LMBR1: variants seen among roughly 807,000 people sequenced by gnomAD.
LMBR1 encodes limb development membrane protein 1.
In LMBR1, 52 loss-of-function variants were observed where a neutral mutation model predicts 73.9. The ratio of observed to expected loss-of-function variants is 0.70; its 90% CI spans 0.56 to 0.89. The LOEUF is 0.89. LMBR1 is among the 40% of genes least tolerant of loss of function. The pLI is 0.00. For missense variants in LMBR1, 539 were observed against 579.8 expected, an observed-to-expected ratio of 0.93 and a Z score of 0.72; for synonymous variants, 215 against 209.4, an observed-to-expected ratio of 1.03 and a Z score of -0.23.
intron 4 of LMBR1, among the ~76,000 whole-genome samples, chr7:156,798,642 G>A (rs1297416250): frequency 6.6e-6 from 1 of 152,092 alleles, no homozygotes; most frequent in Middle Eastern, 3.2e-3. Flanking sequence ...TGGTTTCCAA[G>A]TAAGTTACTT....
rs1805418829 is a variant in LMBR1 at position 156,683,612 on chromosome 7, A to C, written c.*466T>G. 1 of 152,920 alleles carries C rather than the reference A, an allele frequency of 6.5e-6. No individual in the cohort carries two copies. Among genetic ancestry groups the C allele is most frequent in the Non-Finnish European group, 1.5e-5 (1 of 68,514 alleles). 9.5% of individuals were successfully genotyped at this position (152,920 alleles called of 1,614,324 possible). ...AAAATGATATCTACAAGCAGTTGCCATTGCATTTGAAAAATGCATTTTCTG... is the reference window on the plus strand; with the variant it reads ...AAAATGATATCTACAAGCAGTTGCCCTTGCATTTGAAAAATGCATTTTCTG... On this transcript the variant is annotated 3_prime_UTR_variant, in exon 17 of 17. Transcript: ENST00000353442.
In LMBR1 at chr7:156,669,094, T is replaced by A. The variant is rs1801862148; in HGVS notation, n.1060A>T. 6.6e-6 allele frequency: 1 copy of A among 152,218 alleles called. No homozygotes were observed. Among genetic ancestry groups the A allele is most frequent in the South Asian group, 2.1e-4 (1 of 4,832 alleles). 9.4% of individuals were successfully genotyped at this position (152,218 alleles called of 1,614,324 possible). A position where few individuals can be genotyped will look rare whatever the true frequency, so the allele number is the denominator to read the frequency against. On this transcript the variant is annotated non_coding_transcript_exon_variant, in exon 5 of 5. Coordinates refer to the LMBR1 transcript ENST00000430825. This position sits in a 1 kb window ranked among gnomAD's most constrained non-coding sequence, Gnocchi z 4.2. Reference sequence around the variant, plus strand: ...AACTGCATGAAAAGTCTATGCGAACTGCTTTCATGGACTGGCACTTGGAGT... The same window carrying A: ...AACTGCATGAAAAGTCTATGCGAACAGCTTTCATGGACTGGCACTTGGAGT...
chr7:156,879,997 T>G (rs1218625439), intron 1 of LMBR1, among the ~76,000 whole-genome samples: 1 of 152,220 alleles, frequency 6.6e-6, no homozygotes, highest in Admixed American at 6.5e-5. Flanking sequence ...ATACCACTAC[T>G]GGGTATCTAC....
intron 3 of LMBR1, among the ~76,000 whole-genome samples, chr7:156,827,246 GATTAA>G (rs1468466655): frequency 6.6e-6 from 1 of 151,978 alleles, no homozygotes; most frequent in African/African-American, 2.4e-5. Flanking sequence ...AATGGGTAAA[GATTAA>G]ATAAATTATA....
At chr7:156,772,855 A>AGGAGG (rs879602521) in intron 5 of LMBR1, among the ~76,000 whole-genome samples, 3 of 138,472 alleles carry the variant, frequency 2.2e-5, no homozygotes, top group Non-Finnish European at 3.1e-5. Flanking sequence ...AAGAGAGGAG[A>AGGAGG]GGAGGGGAGG....
chr7:156,740,700 G>T (rs951363239), intron 9 of LMBR1, among the ~76,000 whole-genome samples: 4 of 152,112 alleles, frequency 2.6e-5, no homozygotes, highest in Non-Finnish European at 4.4e-5. Context: ...ACAAACAAAA[G>T]CTGAGGCATT....
intron 3 of LMBR1, chr7:156,833,416 TC>T (rs1187395299): frequency 4.2e-6 from 1 of 237,714 alleles, no homozygotes; most frequent in East Asian, 1.4e-4. Flanking sequence ...AGAGGAGATG[TC>T]CGCTGCTCGG....
intron 5 of LMBR1, among the ~76,000 whole-genome samples, chr7:156,782,291 T>C (rs952360383): frequency 1.3e-5 from 2 of 152,226 alleles, no homozygotes; most frequent in African/African-American, 4.8e-5. Context: ...TGTACATGTA[T>C]GTGTTGGAGT....
chr7:156,700,569 T>C (rs916929954), intron 15 of LMBR1, among the ~76,000 whole-genome samples: 19 of 152,178 alleles, frequency 1.2e-4, no homozygotes, highest in Admixed American at 7.9e-4. Context: ...AAAAAAATCA[T>C]CTTTGCTCCA....
At position 156,680,394 on chromosome 7, in the gene LMBR1, GA is replaced by G. The variant is rs1804818283; in HGVS notation, c.*3683del. On this transcript the variant is annotated 3_prime_UTR_variant, in exon 17 of 17. Coordinates refer to ENST00000353442, the MANE Select transcript of LMBR1 (RefSeq NM_022458.4). The stretch of plus-strand genomic sequence containing the variant: ...TGAGAGACAGAGAGAGAGAGAGAGA[GA>G]GAGAGAGAGTGTGTGTGTGTGTGTG... 1.4e-5 allele frequency: 2 copies of G among 144,636 alleles called. No homozygotes were observed. Among genetic ancestry groups the G allele is most frequent in the South Asian group, 4.5e-4 (2 of 4,464 alleles). 9.0% of individuals were successfully genotyped at this position (144,636 alleles called of 1,614,324 possible).
Position 156,678,651 on chromosome 7 carries a change from C to A in LMBR1, c.*5427G>T, listed in dbSNP as rs757679492. On this transcript the variant is annotated 3_prime_UTR_variant, in exon 17 of 17. Transcript: ENST00000353442. Reference sequence around the variant, plus strand: ...AACATGAGTTCATGGGAGGACTCAGCGGACAGGGAGAGCCCTGTCTGCTGC... The same window carrying A: ...AACATGAGTTCATGGGAGGACTCAGAGGACAGGGAGAGCCCTGTCTGCTGC... The A allele has an allele frequency of 6.6e-6, 1 of 152,090 alleles. No individual in the cohort carries two copies. The highest frequency in any genetic ancestry group is 1.5e-5 in the Non-Finnish European group (1 of 68,000). 9.4% of individuals were successfully genotyped at this position (152,090 alleles called of 1,614,324 possible).
At chr7:156,841,844 A>G (rs972107918) in intron 1 of LMBR1, among the ~76,000 whole-genome samples, 2 of 152,186 alleles carry the variant, frequency 1.3e-5, no homozygotes, top group African/African-American at 2.4e-5. Flanking sequence ...GGAGCAAAGA[A>G]AATGTGAAGG....
chr7:156,753,430 TG>T (rs1245990155), intron 9 of LMBR1, among the ~76,000 whole-genome samples: 11 of 152,050 alleles, frequency 7.2e-5, no homozygotes, highest in Non-Finnish European at 1.5e-5. Context: ...ATGAGGGATG[TG>T]GGTAGAAGCG....
At chr7:156,868,324 G>GCC (rs1798768706) in intron 1 of LMBR1, among the ~76,000 whole-genome samples, 1 of 151,602 alleles carries the variant, frequency 6.6e-6, no homozygotes, top group Admixed American at 6.6e-5. Flanking sequence ...TTCCCAAGTA[G>GCC]CTGGTATTAC....
intron 9 of LMBR1, among the ~76,000 whole-genome samples, chr7:156,751,913 C>G (rs767844575): frequency 2.0e-5 from 3 of 152,136 alleles, no homozygotes; most frequent in Non-Finnish European, 4.4e-5. Context: ...AAGTTCAAAG[C>G]TCAGAGTAGA....
At chr7:156,852,667 C>T (rs573178848) in intron 1 of LMBR1, among the ~76,000 whole-genome samples, 29 of 152,208 alleles carry the variant, frequency 1.9e-4, no homozygotes, top group Non-Finnish European at 4.0e-4. Context: ...GTGACAATGT[C>T]CCCCCCAGGA....
At chr7:156,714,264 A>T (rs1270552229) in intron 15 of LMBR1, among the ~76,000 whole-genome samples, 1 of 152,358 alleles carries the variant, frequency 6.6e-6, no homozygotes, top group East Asian at 1.9e-4. Flanking sequence ...GATAAACGGA[A>T]AACTGCACCA....
At chr7:156,705,014 A>G (rs1457769437) in intron 15 of LMBR1, among the ~76,000 whole-genome samples, 1 of 152,200 alleles carries the variant, frequency 6.6e-6, no homozygotes, top group African/African-American at 2.4e-5. Flanking sequence ...TTTAGAAAAC[A>G]TATCTAATAA....
intron 3 of LMBR1, among the ~76,000 whole-genome samples, chr7:156,827,528 C>A (rs1835908387): frequency 6.6e-6 from 1 of 152,082 alleles, no homozygotes; most frequent in Admixed American, 6.5e-5. Flanking sequence ...TTCACCTTCT[C>A]AGTTACACAT....
Sources: gnomAD v4.1 joint callset for allele counts (sites outside exome capture counted in the v4.1 genomes callset) on GRCh38, gnomAD v4.1.1 for gene constraint, Gnocchi (gnomAD v3.1) non-coding constraint, MANE v1.5 for transcripts, NCBI Gene and HGNC (gene_info 2026-07-23, HGNC 2026-07-21) for gene names.